The following CFAP74 variants were observed in gnomAD, a reference collection of about 807,000 sequenced individuals.
CFAP74 encodes cilia- and flagella-associated protein 74.
Under a neutral mutation model 188.9 loss-of-function variants are expected in CFAP74, and 124 were observed. The ratio of observed to expected loss-of-function variants is 0.66; its 90% CI spans 0.57 to 0.76. The LOEUF is 0.76. Among genes scored for constraint, CFAP74 ranks in the 30% least tolerant of loss-of-function variants. The pLI, the probability that CFAP74 is intolerant of heterozygous loss-of-function variation, is 0.00. For missense variants in CFAP74, 2,198 were observed against 2,165.2 expected (o/e 1.02, Z -0.30); for synonymous variants, 956 against 916.7 (o/e 1.04, Z -0.77).
Position 1,988,670 on chromosome 1 carries a change from G to T in CFAP74, c.153-15C>A. 1 of 1,603,152 alleles carries T rather than the reference G, an allele frequency of 6.2e-7. No individual in the cohort carries two copies. The highest frequency in any genetic ancestry group is 1.1e-5 in the South Asian group (1 of 91,022). On this transcript the variant is annotated splice_polypyrimidine_tract_variant and intron_variant, in intron 3 of 38. Transcript: ENST00000682832. ...CTTTCACTGAGCTTAGGATGAAAAGGACGTCAGCTGCCACCACCCCAGCTG... is the reference window on the plus strand; with the variant it reads ...CTTTCACTGAGCTTAGGATGAAAAGTACGTCAGCTGCCACCACCCCAGCTG...
intron 25 of CFAP74, among the ~76,000 whole-genome samples, chr1:1,934,771 G>C (rs1652728753): frequency 6.7e-6 from 1 of 148,914 alleles, no homozygotes; most frequent in Non-Finnish European, 1.5e-5. Context: ...GTACACACGT[G>C]TGTACGTGGG....
chr1:1,959,241 A>T, intron 15 of CFAP74, 32 bp from the exon 16 acceptor site: 2 of 1,303,630 alleles, frequency 1.5e-6, no homozygotes, highest in Non-Finnish European at 1.1e-6. Context: ...ACCACAATAC[A>T]CTTCTGCAAC....
At position 1,968,529 on chromosome 1, in the gene CFAP74, A is replaced by G; in HGVS notation, c.1245+106T>C. On this transcript the variant is annotated intron_variant, in intron 11 of 38. Transcript: ENST00000682832. The surrounding 1 kb of genome is among the most constrained non-coding windows in gnomAD (Gnocchi z 4.3). ...GCTCAGCAACCCCCTGCAGGTGGCC[A>G]TGGTGCTGAGGTCCTCAGAGGATGT... 1 of 943,488 alleles carries G rather than the reference A, an allele frequency of 1.1e-6. No individual in the cohort carries two copies. Among genetic ancestry groups the G allele is most frequent in the Non-Finnish European group, 1.6e-6 (1 of 606,502 alleles). The allele number at this position is 943,488 out of a possible 1,614,324, so 58.4% of individuals were successfully genotyped here.
In CFAP74 at chr1:1,923,633, C is replaced by T; in HGVS notation, c.4390-134G>A. ...CGTGGGGCCCTGGACTCTGGTCTTT[C>T]CACTGACGGCCCTCAGTGTGGTGCT... On this transcript the variant is annotated intron_variant, in intron 35 of 38. Coordinates refer to ENST00000682832, the MANE Select transcript of CFAP74 (RefSeq NM_001304360.2). The surrounding 1 kb of genome is among the most constrained non-coding windows in gnomAD (Gnocchi z 6.3). 6.6e-7 allele frequency: 1 copy of T among 1,513,602 alleles called. No homozygotes were observed. The allele number at this position is 1,513,602 out of a possible 1,614,324, so 93.8% of individuals were successfully genotyped here. A position where few individuals can be genotyped will look rare whatever the true frequency, so the allele number is the denominator to read the frequency against.
rs929863587 is a variant in CFAP74 at position 1,970,949 on chromosome 1, GCACATGCACACATCA to G, written c.889-148_889-134del. ...CACGTGCACACACACATGCACACCT[GCACATGCACACATCA>G]CACATGCACACCTGCACACACGTGC... On this transcript the variant is annotated intron_variant, in intron 9 of 38. Coordinates refer to ENST00000682832, the MANE Select transcript of CFAP74 (RefSeq NM_001304360.2). The G allele has an allele frequency of 1.5e-5, 16 of 1,061,074 alleles. No individual in the cohort carries two copies. In the Admixed American group the frequency reaches 1.7e-4, roughly 11 times the overall value. 65.7% of individuals were successfully genotyped at this position (1,061,074 alleles called of 1,614,324 possible).
chr1:1,944,091 G>C (rs2803333), intron 21 of CFAP74, among the ~76,000 whole-genome samples: 62,211 of 151,976 alleles, frequency 0.41, 14,384 homozygotes, highest in Admixed American at 0.53. Context: ...TAAGCCCCCT[G>C]CTTGCCACAC....
chr1:1,941,403 A>G (rs529195129), intron 22 of CFAP74, among the ~76,000 whole-genome samples: 1 of 152,356 alleles, frequency 6.6e-6, no homozygotes, highest in Non-Finnish European at 1.5e-5. Context: ...CCAAAGCACA[A>G]CAAATGTTCA....
At chr1:1,959,745 G>A (rs1042775743) in intron 15 of CFAP74, among the ~76,000 whole-genome samples, 2 of 152,168 alleles carry the variant, frequency 1.3e-5, no homozygotes, top group African/African-American at 4.8e-5. Flanking sequence ...GCACGCCCTC[G>A]GCCACTAACC....
intron 1 of CFAP74, among the ~76,000 whole-genome samples, chr1:1,996,157 G>T (rs1459130565): frequency 1.3e-5 from 2 of 151,928 alleles, no homozygotes; most frequent in Non-Finnish European, 2.9e-5. Context: ...GCTAATTTTT[G>T]TATTTTTAAT....
At chr1:1,993,961 G>C (rs146615151) in intron 1 of CFAP74, among the ~76,000 whole-genome samples, 2 of 150,848 alleles carry the variant, frequency 1.3e-5, no homozygotes, top group African/African-American at 4.9e-5. Flanking sequence ...CAGCCTGGGC[G>C]ACAGAGCAAG....
Position 1,951,286 on chromosome 1 carries a change from A to G in CFAP74, c.2177-4232T>C, listed in dbSNP as rs995195191. Among the ~76,000 whole-genome samples the G allele has an allele frequency of 4.6e-5, 7 of 152,194 alleles. No homozygotes were observed. In the South Asian group the frequency reaches 8.3e-4, roughly 18 times the overall value. ...TGGGGAAAACCTCTCCCATAATTCA[A>G]TCACTTTCCTCTCTCCACACGTGGG... On this transcript the variant is annotated intron_variant, in intron 18 of 38. Coordinates refer to ENST00000682832, the MANE Select transcript of CFAP74 (RefSeq NM_001304360.2).
chr1:1,965,143 C>T (rs575347149), intron 12 of CFAP74, 82 bp from the exon 13 acceptor site: 14 of 1,388,296 alleles, frequency 1.0e-5, no homozygotes, highest in Middle Eastern at 1.9e-4. Context: ...GCGAGGGTAG[C>T]GGTTAGCAGA....
intron 17 of CFAP74, 57 bp downstream of exon 17, chr1:1,956,563 G>T: frequency 3.7e-6 from 6 of 1,603,410 alleles, no homozygotes; most frequent in Non-Finnish European, 5.1e-6. Context: ...CACCCACATG[G>T]GACTGGATTT....
At chr1:1,929,953 G>A (rs556476414) in intron 26 of CFAP74, 107 bp downstream of exon 26, 62 of 1,261,544 alleles carry the variant, frequency 4.9e-5, no homozygotes, top group African/African-American at 3.2e-4. Flanking sequence ...CCTGTTCTCC[G>A]GGTTGAAACC....
Position 1,968,983 on chromosome 1 carries a change from C to T in CFAP74, c.1047-150G>A. The T allele has an allele frequency of 2.5e-6, 1 of 401,318 alleles. No individual in the cohort carries two copies. Among genetic ancestry groups the T allele is most frequent in the Non-Finnish European group, 4.4e-6 (1 of 227,246 alleles). The allele number at this position is 401,318 out of a possible 1,614,324, so 24.9% of individuals were successfully genotyped here. ...CCAGGTGAGACAGCGCCTGGCGGCC[C>T]CTCCCTAGCTCCCTCCTGGGGACTC... On this transcript the variant is annotated intron_variant, in intron 10 of 38. Coordinates refer to ENST00000682832, the MANE Select transcript of CFAP74 (RefSeq NM_001304360.2). This position sits in a 1 kb window ranked among gnomAD's most constrained non-coding sequence, Gnocchi z 4.3.
chr1:1,968,001 TGAGC>T lies in CFAP74; in HGVS notation c.1245+630_1245+633del, dbSNP rs1171152890. ...AGTAAAGAATGAATGAGTGAATGAG[TGAGC>T]GAATGAGTGAATGAATGAGTGAATG... On this transcript the variant is annotated intron_variant, in intron 11 of 38. Transcript: ENST00000682832. The surrounding 1 kb of genome is among the most constrained non-coding windows in gnomAD (Gnocchi z 4.3). Among the ~76,000 whole-genome samples, 154 of 142,882 alleles carry T rather than the reference TGAGC, an allele frequency of 1.1e-3. No homozygotes were observed. The highest frequency in any genetic ancestry group is 3.0e-3 in the African/African-American group (120 of 39,522). 93.7% of individuals were successfully genotyped at this position (142,882 alleles called of 152,430 possible).
intron 9 of CFAP74, among the ~76,000 whole-genome samples, chr1:1,971,415 A>C (rs572047692): frequency 6.6e-6 from 1 of 151,506 alleles, no homozygotes; most frequent in Admixed American, 6.6e-5. Context: ...ACATGCACAC[A>C]TGCACACACA....
intron 1 of CFAP74, among the ~76,000 whole-genome samples, chr1:1,995,246 C>A (rs1657853385): frequency 6.6e-6 from 1 of 152,176 alleles, no homozygotes; most frequent in Non-Finnish European, 1.5e-5. Context: ...CACCTGTAAT[C>A]CCAGCACTTT....
rs1423658327 is a variant in CFAP74, at chr1:1,922,263, C to T, written c.*24G>A. 6.3e-7 allele frequency: 1 copy of T among 1,582,592 alleles called. No individual in the cohort carries two copies. Among genetic ancestry groups the T allele is most frequent in the Non-Finnish European group, 8.7e-7 (1 of 1,155,356 alleles). ...AGGGCTTTGAGGGTGGACAGGAGGG[C>T]CCGAGGGTGCTCTGTGCAGAGGCTT... is the stretch of plus-strand genomic sequence containing the variant. On this transcript the variant is annotated 3_prime_UTR_variant, in exon 39 of 39. Transcript: ENST00000682832.
Sources: allele counts gnomAD v4.1 joint callset (sites outside exome capture counted in the v4.1 genomes callset), GRCh38; gene constraint gnomAD v4.1.1; non-coding constraint Gnocchi (gnomAD v3.1); transcripts MANE v1.5; gene names NCBI Gene and HGNC (gene_info 2026-07-23, HGNC 2026-07-21).